Variants in ZNF423 observed in about 807,000 individuals in gnomAD.
ZNF423 encodes the protein Ebf-associated zinc finger protein.
ZNF423 carries 12 observed loss-of-function variants against 95.8 expected under a neutral mutation model. That is an observed-to-expected ratio of 0.13 (90% CI 0.08 to 0.20). The LOEUF (loss-of-function observed/expected upper bound fraction) is 0.20, where lower values mean the gene tolerates loss of function less well. Ranked by LOEUF, ZNF423 falls within the 10% of genes least tolerant of loss-of-function variation. The probability of loss-of-function intolerance (pLI) is 1.00; values close to 1 mark genes in which losing one functional copy is unlikely to be tolerated. For synonymous variants in ZNF423, 749 were observed against 711.9 expected (o/e 1.05, Z -0.83); for missense variants, 1,316 against 1,737.1 (o/e 0.76, Z 4.31).
intron 5 of ZNF423, among the ~76,000 whole-genome samples, chr16:49,532,278 G>C: frequency 6.6e-6 from 1 of 152,230 alleles, no homozygotes. Context: ...CCCGCATCAC[G>C]GCTGTCCCCG....
At chr16:49,602,462 C>T (rs916515867) in intron 5 of ZNF423, among the ~76,000 whole-genome samples, 1 of 152,180 alleles carries the variant, frequency 6.6e-6, no homozygotes, top group Non-Finnish European at 1.5e-5. Context: ...GGTCAGCTGG[C>T]AGGTCATGAA....
At chr16:49,567,058 C>T (rs1970218337) in intron 5 of ZNF423, among the ~76,000 whole-genome samples, 1 of 152,174 alleles carries the variant, frequency 6.6e-6, no homozygotes, top group African/African-American at 2.4e-5. Context: ...GATGACATCA[C>T]TCGCGAATTA....
intron 1 of ZNF423, among the ~76,000 whole-genome samples, chr16:49,843,807 A>C (rs1597058144): frequency 9.6e-5 from 13 of 134,938 alleles, no homozygotes; most frequent in South Asian, 2.4e-4. Context: ...CCCACCCCTC[A>C]CTCCTAGTGC....
Position 49,760,949 on chromosome 16 carries a change from CA to C in ZNF423, c.100+28537del, listed in dbSNP as rs1191181525. On this transcript the variant is annotated intron_variant, in intron 2 of 7. Transcript: ENST00000563137. ...ACACACACACACACGTACACACACG[CA>C]TACATGCATGCACATGAACACACAT... 4.6e-5 allele frequency among the ~76,000 whole-genome samples: 7 copies of C among 152,094 alleles called. No homozygotes were observed. In the South Asian group the frequency reaches 1.5e-3, roughly 32 times the overall value.
chr16:49,783,667 G>A (rs894672779), intron 2 of ZNF423, among the ~76,000 whole-genome samples: 1 of 151,930 alleles, frequency 6.6e-6, no homozygotes, highest in Non-Finnish European at 1.5e-5. Flanking sequence ...AGGCTGTGAT[G>A]CGCAGAATAA....
chr16:49,783,656 C>T (rs1439450184), intron 2 of ZNF423, among the ~76,000 whole-genome samples: 3 of 151,736 alleles, frequency 2.0e-5, no homozygotes, highest in South Asian at 2.1e-4. Context: ...GGGCTAGTGC[C>T]AGGCTGTGAT....
At chr16:49,695,964 T>TGAGGCACA (rs899326980) in intron 3 of ZNF423, among the ~76,000 whole-genome samples, 35 of 152,314 alleles carry the variant, frequency 2.3e-4, no homozygotes, top group Admixed American at 2.2e-3. Context: ...ATGAGGAAAC[T>TGAGGCACA]GAGGCACAGA....
intron 3 of ZNF423, among the ~76,000 whole-genome samples, chr16:49,709,771 G>C (rs887861188): frequency 2.0e-5 from 3 of 152,164 alleles, no homozygotes; most frequent in Non-Finnish European, 2.9e-5. Flanking sequence ...CCTTGCACCA[G>C]AGGGCACATA....
At chr16:49,531,235 T>C (rs1380449770) in intron 5 of ZNF423, among the ~76,000 whole-genome samples, 1 of 150,964 alleles carries the variant, frequency 6.6e-6, no homozygotes, top group East Asian at 1.9e-4. Context: ...CAGAAATAAA[T>C]GCCCCAGACT....
At chr16:49,782,806 G>A (rs77555801) in intron 2 of ZNF423, among the ~76,000 whole-genome samples, 12,393 of 152,074 alleles carry the variant, frequency 0.081, 653 homozygotes, top group Non-Finnish European at 0.12. Flanking sequence ...ACTCTGACTA[G>A]ACAATTACAT....
At chr16:49,491,461 G>A (rs965356973) in intron 7 of ZNF423, among the ~76,000 whole-genome samples, 157 bp from the exon 8 acceptor site, 1 of 151,714 alleles carries the variant, frequency 6.6e-6, no homozygotes, top group Non-Finnish European at 1.5e-5. Context: ...GGACGCAGCT[G>A]CCAAGACGCC....
chr16:49,665,753 G>A (rs1041276961), intron 3 of ZNF423, among the ~76,000 whole-genome samples: 17 of 152,074 alleles, frequency 1.1e-4, no homozygotes, highest in African/African-American at 3.6e-4. Context: ...TCATCCAGCC[G>A]TCTCTTTCCC....
intron 3 of ZNF423, among the ~76,000 whole-genome samples, chr16:49,688,517 C>G (rs537750179): frequency 6.6e-6 from 1 of 152,268 alleles, no homozygotes; most frequent in East Asian, 1.9e-4. Context: ...GCCCGGGCGG[C>G]TCCCCCGGAG....
intron 2 of ZNF423, among the ~76,000 whole-genome samples, chr16:49,750,996 G>A (rs889852746): frequency 1.3e-5 from 2 of 152,138 alleles, no homozygotes; most frequent in South Asian, 4.2e-4. Context: ...ACAGAGGCCC[G>A]ACGGCGACGA....
chr16:49,517,790 C>T (rs74674766), intron 7 of ZNF423: 7,293 of 354,654 alleles, frequency 0.021, 125 homozygotes, highest in Non-Finnish European at 0.03. Flanking sequence ...CTCTGTGACT[C>T]GTTGTTGTTC....
chr16:49,613,814 A>G (rs34160279), intron 5 of ZNF423, among the ~76,000 whole-genome samples: 7,419 of 152,202 alleles, frequency 0.049, 221 homozygotes, highest in Non-Finnish European at 0.07. Flanking sequence ...AAAAACTTCA[A>G]CCTAAGTCTT....
chr16:49,798,773 T>A (rs1355133251), intron 1 of ZNF423, among the ~76,000 whole-genome samples: 1 of 152,152 alleles, frequency 6.6e-6, no homozygotes, highest in African/African-American at 2.4e-5. Context: ...AACCAGCACC[T>A]CTGGAAGCTG....
At chr16:49,533,462 G>A (rs753125044) in intron 5 of ZNF423, among the ~76,000 whole-genome samples, 13 of 152,192 alleles carry the variant, frequency 8.5e-5, no homozygotes, top group Non-Finnish European at 1.3e-4. Flanking sequence ...TACTTTGCTC[G>A]CTCTCTCCTT....
At chr16:49,605,289 T>C (rs1052449963) in intron 5 of ZNF423, among the ~76,000 whole-genome samples, 1 of 152,192 alleles carries the variant, frequency 6.6e-6, no homozygotes, top group Non-Finnish European at 1.5e-5. Context: ...CCATCTCTTC[T>C]CTCGTTCATT....
Sources: allele counts gnomAD v4.1 joint callset (sites outside exome capture counted in the v4.1 genomes callset), GRCh38; gene constraint gnomAD v4.1.1; transcripts MANE v1.5; gene names NCBI Gene and HGNC (gene_info 2026-07-23, HGNC 2026-07-21).